CADM2: variants seen among roughly 807,000 people sequenced by gnomAD.
CADM2 encodes immunoglobulin superfamily member 4D.
A neutral mutation model predicts 49.8 loss-of-function variants in CADM2; 12 were observed. The observed-to-expected ratio is 0.24, with a 90% CI of 0.15 to 0.39. The LOEUF (loss-of-function observed/expected upper bound fraction) is 0.39, where lower values mean the gene tolerates loss of function less well. CADM2 is among the 10% of genes least tolerant of loss of function. The pLI, the probability that CADM2 is intolerant of heterozygous loss-of-function variation, is 1.00. For missense variants in CADM2, 378 were observed against 492.3 expected (o/e 0.77, Z 2.20); for synonymous variants, 214 against 175.4 (o/e 1.22, Z -1.74).
intron 1 of CADM2, among the ~76,000 whole-genome samples, chr3:85,502,074 A>G (rs1216390249): frequency 2.6e-5 from 4 of 152,214 alleles, no homozygotes; most frequent in Admixed American, 2.6e-4. Context: ...AGGATTCAAT[A>G]AAGTACACAT....
At chr3:85,406,157 C>A (rs963775096) in intron 1 of CADM2, among the ~76,000 whole-genome samples, 11 of 151,934 alleles carry the variant, frequency 7.2e-5, no homozygotes, top group African/African-American at 2.7e-4. Flanking sequence ...ATATTAAACT[C>A]TATTACTGTA....
intron 1 of CADM2, among the ~76,000 whole-genome samples, chr3:85,476,647 G>T (rs2038987507): frequency 6.6e-6 from 1 of 151,782 alleles, no homozygotes; most frequent in Middle Eastern, 3.2e-3. Context: ...CGCTCAACCT[G>T]TTAAAAGTCT....
At chr3:85,898,932 ATTGTG>A (rs1715656598) in intron 5 of CADM2, among the ~76,000 whole-genome samples, 1 of 27,278 alleles carries the variant, frequency 3.7e-5, no homozygotes, top group Non-Finnish European at 6.3e-5. Context: ...CAATTCATTT[ATTGTG>A]TATATATATA....
intron 8 of CADM2, among the ~76,000 whole-genome samples, chr3:85,987,779 GTTA>G (rs1022958820): frequency 5.3e-5 from 8 of 150,106 alleles, no homozygotes; most frequent in Admixed American, 1.3e-4. Flanking sequence ...GCTAAAGTGA[GTTA>G]TTATTAATCT....
chr3:85,224,860 C>T (rs2042121479), intron 1 of CADM2, among the ~76,000 whole-genome samples: 1 of 152,052 alleles, frequency 6.6e-6, no homozygotes, highest in South Asian at 2.1e-4. Flanking sequence ...AAATAGGGAT[C>T]GTTTCCCCAT....
chr3:85,101,183 G>A (rs1001690885), intron 1 of CADM2, among the ~76,000 whole-genome samples: 2 of 152,168 alleles, frequency 1.3e-5, no homozygotes, highest in East Asian at 1.9e-4. Flanking sequence ...AAACAAAGGA[G>A]GTGGAGGTTG....
intron 9 of CADM2, among the ~76,000 whole-genome samples, chr3:86,066,226 G>C (rs1261487407): frequency 1.3e-5 from 2 of 150,762 alleles, no homozygotes; most frequent in Non-Finnish European, 1.5e-5. Context: ...CCAGCTACTC[G>C]GGAGGCTGAG....
Position 85,759,117 on chromosome 3 carries a change from A to T in CADM2, c.88+32569A>T, listed in dbSNP as rs544143401. 2.3e-4 allele frequency among the ~76,000 whole-genome samples: 35 copies of T among 152,166 alleles called. No individual in the cohort carries two copies. In the East Asian group the frequency reaches 6.6e-3, roughly 29 times the overall value. On this transcript the variant is annotated intron_variant, in intron 2 of 9. Coordinates refer to ENST00000383699, the MANE Select transcript of CADM2 (RefSeq NM_001167675.2). ...GGCTGATTTCATTTATTAATTTTTT[A>T]AAATAATAAATGTATGGATATATGA...
intron 1 of CADM2, among the ~76,000 whole-genome samples, chr3:85,603,151 A>G (rs895098493): frequency 2.0e-5 from 3 of 151,922 alleles, no homozygotes. Flanking sequence ...CACCTAGCTC[A>G]ATGTCTGTCA....
At chr3:85,218,004 T>G (rs1466261523) in intron 1 of CADM2, among the ~76,000 whole-genome samples, 2 of 152,144 alleles carry the variant, frequency 1.3e-5, no homozygotes, top group Non-Finnish European at 2.9e-5. Context: ...AATCAAACAT[T>G]TAAAAATATT....
chr3:85,635,090 A>G (rs2064425534), intron 1 of CADM2, among the ~76,000 whole-genome samples: 1 of 152,076 alleles, frequency 6.6e-6, no homozygotes, highest in Non-Finnish European at 1.5e-5. Flanking sequence ...ATGCTAGTTG[A>G]CAAAATGAAA....
In CADM2 at chr3:85,583,817, T is replaced by A. The variant is rs564259932; in HGVS notation, c.62-142705T>A. 2.2e-4 allele frequency among the ~76,000 whole-genome samples: 33 copies of A among 152,082 alleles called. No homozygotes were observed. The South Asian group carries it at 6.2e-3, about 29-fold the overall frequency. On this transcript the variant is annotated intron_variant, in intron 1 of 9. Coordinates refer to ENST00000383699, the MANE Select transcript of CADM2 (RefSeq NM_001167675.2). ...ATATTAGCATGAAATTACATTTTTT[T>A]AAAGAGAACCATTCAAAAATAAGCA...
chr3:85,978,618 T>C (rs1343990616), intron 8 of CADM2, among the ~76,000 whole-genome samples: 1 of 151,560 alleles, frequency 6.6e-6, no homozygotes, highest in East Asian at 1.9e-4. Flanking sequence ...AAAATAACAA[T>C]AATAATAACA....
intron 1 of CADM2, among the ~76,000 whole-genome samples, chr3:85,468,047 G>A (rs1343139792): frequency 1.3e-5 from 2 of 149,572 alleles, no homozygotes; most frequent in African/African-American, 4.9e-5. Flanking sequence ...CCAGCTACTT[G>A]GGAGGCTGAG....
intron 1 of CADM2, among the ~76,000 whole-genome samples, chr3:85,713,439 C>T (rs1438745124): frequency 6.6e-6 from 1 of 152,052 alleles, no homozygotes; most frequent in Non-Finnish European, 1.5e-5. Context: ...CATGAGCCAC[C>T]GTGCCTAGCC....
chr3:85,195,121 T>C (rs2041310190), intron 1 of CADM2, among the ~76,000 whole-genome samples: 1 of 152,086 alleles, frequency 6.6e-6, no homozygotes, highest in South Asian at 2.1e-4. Flanking sequence ...GTCTTGCATA[T>C]ATACAAGGGT....
intron 5 of CADM2, among the ~76,000 whole-genome samples, chr3:85,895,629 T>C (rs1420265681): frequency 6.6e-6 from 1 of 152,122 alleles, no homozygotes; most frequent in Admixed American, 6.5e-5. Context: ...TTATCTTGAA[T>C]TGTAGCTCCC....
intron 1 of CADM2, among the ~76,000 whole-genome samples, chr3:85,431,812 T>A (rs181998337): frequency 7.6e-6 from 1 of 131,048 alleles, no homozygotes; most frequent in African/African-American, 2.7e-5. Flanking sequence ...AAAGTACTTT[T>A]GAGCTAGCTC....
At chr3:85,765,038 A>G (rs1358807751) in intron 2 of CADM2, among the ~76,000 whole-genome samples, 1 of 152,038 alleles carries the variant, frequency 6.6e-6, no homozygotes, top group Non-Finnish European at 1.5e-5. Flanking sequence ...TTTGGGAAGA[A>G]TGTCAGAGAA....
Sources: gnomAD v4.1 joint callset for allele counts (sites outside exome capture counted in the v4.1 genomes callset) on GRCh38, gnomAD v4.1.1 for gene constraint, MANE v1.5 for transcripts, NCBI Gene and HGNC (gene_info 2026-07-23, HGNC 2026-07-21) for gene names.